FAM168B: variants seen among roughly 807,000 people sequenced by gnomAD.
FAM168B encodes myelin-associated neurite-outgrowth inhibitor.
A neutral mutation model predicts 21.8 loss-of-function variants in FAM168B; 19 were observed. That is an observed-to-expected ratio of 0.87 (90% CI 0.61 to 1.28). The LOEUF (loss-of-function observed/expected upper bound fraction) is 1.28. Ranked by LOEUF, FAM168B falls within the 50% of genes most tolerant of loss-of-function variation. The pLI is 0.00. For synonymous variants in FAM168B, 126 were observed against 104.8 expected, an observed-to-expected ratio of 1.20 and a Z score of -1.24; for missense variants, 233 against 263.1, an observed-to-expected ratio of 0.89 and a Z score of 0.79.
intron 5 of FAM168B, among the ~76,000 whole-genome samples, chr2:131,053,739 T>G (rs745890538): frequency 1.3e-5 from 2 of 151,872 alleles, no homozygotes; most frequent in African/African-American, 2.4e-5. Flanking sequence ...TAGCCAGGTG[T>G]GGTAGCATAC....
chr2:131,051,944 A>G lies in FAM168B; in HGVS notation c.*521T>C, dbSNP rs1367556350. On this transcript the variant is annotated 3_prime_UTR_variant, in exon 7 of 7. Transcript: ENST00000389915. Reference sequence around the variant, plus strand: ...AAAATGTCCACATCCCTAACTGGCAACCCACATCAACCCCAAAAGGTTGAA... The same window carrying G: ...AAAATGTCCACATCCCTAACTGGCAGCCCACATCAACCCCAAAAGGTTGAA... 1 of 985,526 alleles carries G rather than the reference A, an allele frequency of 1.0e-6. No individual in the cohort carries two copies. The highest frequency in any genetic ancestry group is 1.1e-4 in the East Asian group (1 of 8,824). The allele number at this position is 985,526 out of a possible 1,614,324, so 61.0% of individuals were successfully genotyped here. A position where few individuals can be genotyped will look rare whatever the true frequency, so the allele number is the denominator to read the frequency against.
At chr2:131,085,426 A>G (rs1292483572) in intron 1 of FAM168B, among the ~76,000 whole-genome samples, 1 of 152,224 alleles carries the variant, frequency 6.6e-6, no homozygotes. Context: ...AGCATCAATA[A>G]CAACATCTGG....
intron 2 of FAM168B, among the ~76,000 whole-genome samples, chr2:131,073,703 C>A: frequency 6.6e-6 from 1 of 152,144 alleles, no homozygotes; most frequent in East Asian, 1.9e-4. Context: ...TAATAAATTT[C>A]TGTTCATTAT....
rs779379553 is a variant in FAM168B, at chr2:131,048,370, T to C, written c.*4095A>G. On this transcript the variant is annotated 3_prime_UTR_variant, in exon 7 of 7. Transcript: ENST00000389915. ...TGTGGTGAGGAGGAGACACCTGTCATGCCAGTCCTGGGAGCACACCACCCT... is the reference window on the plus strand; with the variant it reads ...TGTGGTGAGGAGGAGACACCTGTCACGCCAGTCCTGGGAGCACACCACCCT... 7.7e-7 allele frequency: 1 copy of C among 1,292,080 alleles called. No individual in the cohort carries two copies. Among genetic ancestry groups the C allele is most frequent in the Non-Finnish European group, 1.0e-6 (1 of 979,652 alleles). 80.0% of individuals were successfully genotyped at this position (1,292,080 alleles called of 1,614,324 possible). A position where few individuals can be genotyped will look rare whatever the true frequency, so the allele number is the denominator to read the frequency against.
chr2:131,049,075 T>A lies in FAM168B; in HGVS notation c.*3390A>T. On this transcript the variant is annotated 3_prime_UTR_variant, in exon 7 of 7. Transcript: ENST00000389915. ...GTACATGTTGGCCTTTCACCAGCAC[T>A]CACTGGCACTCACAGGTGCCTTACA... is the stretch of plus-strand genomic sequence containing the variant. The A allele has an allele frequency of 1.0e-6, 1 of 985,404 alleles. No individual in the cohort carries two copies. The highest frequency in any genetic ancestry group is 1.7e-5 in the African/African-American group (1 of 57,326). The allele number at this position is 985,404 out of a possible 1,614,324, so 61.0% of individuals were successfully genotyped here. A position where few individuals can be genotyped will look rare whatever the true frequency, so the allele number is the denominator to read the frequency against.
Position 131,049,006 on chromosome 2 carries a change from C to G in FAM168B, c.*3459G>C. The G allele has an allele frequency of 1.0e-6, 1 of 985,554 alleles. No homozygotes were observed. The highest frequency in any genetic ancestry group is 4.7e-5 in the South Asian group (1 of 21,290). 61.1% of individuals were successfully genotyped at this position (985,554 alleles called of 1,614,324 possible). On this transcript the variant is annotated 3_prime_UTR_variant, in exon 7 of 7. Transcript: ENST00000389915. ...AATGTTTAAAAAGGACAGGTGAAGT[C>G]TGGGTCTCCTTTTTTAAAGCAGACA...
In FAM168B at chr2:131,050,955, T is replaced by C. The variant is rs1691633007; in HGVS notation, c.*1510A>G. On this transcript the variant is annotated 3_prime_UTR_variant, in exon 7 of 7. Transcript: ENST00000389915. ...CTCTGACCCTCACTGAGAACCGACA[T>C]GCACTCTCATGGATACAGGACGGGC... The C allele has an allele frequency of 9.1e-6, 9 of 985,534 alleles. No homozygotes were observed. Among genetic ancestry groups the C allele is most frequent in the Non-Finnish European group, 1.1e-5 (9 of 830,046 alleles). The allele number at this position is 985,534 out of a possible 1,614,324, so 61.0% of individuals were successfully genotyped here.
In FAM168B at chr2:131,051,069, C is replaced by A; in HGVS notation, c.*1396G>T. 3.0e-6 allele frequency: 3 copies of A among 985,442 alleles called. No homozygotes were observed. The highest frequency in any genetic ancestry group is 3.6e-6 in the Non-Finnish European group (3 of 829,970). The allele number at this position is 985,442 out of a possible 1,614,324, so 61.0% of individuals were successfully genotyped here. A position where few individuals can be genotyped will look rare whatever the true frequency, so the allele number is the denominator to read the frequency against. On this transcript the variant is annotated 3_prime_UTR_variant, in exon 7 of 7. Transcript: ENST00000389915. ...ACTCAAATTCCTCTCCCACAATAAA[C>A]CCTGCCAGCAAACGCACTCCAGCAC...
chr2:131,051,063 A>C lies in FAM168B; in HGVS notation c.*1402T>G. 1 of 985,374 alleles carries C rather than the reference A, an allele frequency of 1.0e-6. No individual in the cohort carries two copies. The highest frequency in any genetic ancestry group is 1.2e-6 in the Non-Finnish European group (1 of 829,964). 61.0% of individuals were successfully genotyped at this position (985,374 alleles called of 1,614,324 possible). On this transcript the variant is annotated 3_prime_UTR_variant, in exon 7 of 7. Coordinates refer to ENST00000389915, the MANE Select transcript of FAM168B (RefSeq NM_001009993.4). ...TCCTAAACTCAAATTCCTCTCCCAC[A>C]ATAAACCCTGCCAGCAAACGCACTC...
In FAM168B at chr2:131,050,823, C is replaced by G. The variant is rs1573737840; in HGVS notation, c.*1642G>C. 4 of 985,262 alleles carry G rather than the reference C, an allele frequency of 4.1e-6. No individual in the cohort carries two copies. The African/African-American group carries it at 5.2e-5, about 13-fold the overall frequency. The allele number at this position is 985,262 out of a possible 1,614,324, so 61.0% of individuals were successfully genotyped here. A position where few individuals can be genotyped will look rare whatever the true frequency, so the allele number is the denominator to read the frequency against. On this transcript the variant is annotated 3_prime_UTR_variant, in exon 7 of 7. Coordinates refer to ENST00000389915, the MANE Select transcript of FAM168B (RefSeq NM_001009993.4). ...AATGAAGAGGAGCAGAGCCCCCTCC[C>G]CACCAGAGCCCACAGCACTCAAACC... is the stretch of plus-strand genomic sequence containing the variant.
chr2:131,051,959 A>G lies in FAM168B; in HGVS notation c.*506T>C. 1.0e-6 allele frequency: 1 copy of G among 978,986 alleles called. No homozygotes were observed. Among genetic ancestry groups the G allele is most frequent in the African/African-American group, 1.7e-5 (1 of 57,312 alleles). 60.6% of individuals were successfully genotyped at this position (978,986 alleles called of 1,614,324 possible). A position where few individuals can be genotyped will look rare whatever the true frequency, so the allele number is the denominator to read the frequency against. On this transcript the variant is annotated 3_prime_UTR_variant, in exon 7 of 7. Coordinates refer to ENST00000389915, the MANE Select transcript of FAM168B (RefSeq NM_001009993.4). ...CTAACTGGCAACCCACATCAACCCC[A>G]AAAGGTTGAAGAATCATCTAAGATA...
chr2:131,090,857 G>A (rs1438610402), intron 1 of FAM168B, among the ~76,000 whole-genome samples: 2 of 152,070 alleles, frequency 1.3e-5, no homozygotes, highest in African/African-American at 4.8e-5. Flanking sequence ...GCCTCCCCCA[G>A]TGGCTGGGAC....
chr2:131,059,066 C>T (rs770026520), intron 3 of FAM168B, among the ~76,000 whole-genome samples: 7 of 152,060 alleles, frequency 4.6e-5, no homozygotes, highest in Non-Finnish European at 1.0e-4. Flanking sequence ...TGGTGTGTGG[C>T]GGGCACACAT....
At chr2:131,060,743 C>G (rs1692249103) in intron 3 of FAM168B, among the ~76,000 whole-genome samples, 2 of 152,154 alleles carry the variant, frequency 1.3e-5, no homozygotes, top group Admixed American at 1.3e-4. Context: ...AAAGAAAAAC[C>G]ACACAACACT....
At chr2:131,093,066 G>GC (rs926715651) in intron 1 of FAM168B, 148 bp downstream of exon 1, 2 of 151,240 alleles carry the variant, frequency 1.3e-5, no homozygotes, top group African/African-American at 4.8e-5. Context: ...GCCCGGCCTT[G>GC]CCCGCGGCAC....
intron 2 of FAM168B, among the ~76,000 whole-genome samples, chr2:131,081,824 A>G (rs779640925): frequency 1.3e-5 from 2 of 152,180 alleles, no homozygotes; most frequent in African/African-American, 4.8e-5. Flanking sequence ...TTGACCCCAG[A>G]TATCTCTCTT....
At chr2:131,070,103 CGCCTCA>C (rs1269146102) in intron 3 of FAM168B, among the ~76,000 whole-genome samples, 1 of 151,962 alleles carries the variant, frequency 6.6e-6, no homozygotes, top group East Asian at 1.9e-4. Flanking sequence ...ATGATCCACC[CGCCTCA>C]GCCTCCCAAA....
chr2:131,083,775 G>A (rs1397341205), intron 1 of FAM168B, among the ~76,000 whole-genome samples: 1 of 152,002 alleles, frequency 6.6e-6, no homozygotes, highest in African/African-American at 2.4e-5. Context: ...GTGCATCCCT[G>A]GCACAAACAG....
chr2:131,083,187 C>A (rs1693506249), intron 1 of FAM168B, among the ~76,000 whole-genome samples: 1 of 152,134 alleles, frequency 6.6e-6, no homozygotes, highest in Non-Finnish European at 1.5e-5. Context: ...AACTCCGTCT[C>A]TACTAAAAAT....
Sources: allele counts gnomAD v4.1 joint callset (sites outside exome capture counted in the v4.1 genomes callset), GRCh38; gene constraint gnomAD v4.1.1; transcripts MANE v1.5; gene names NCBI Gene and HGNC (gene_info 2026-07-23, HGNC 2026-07-21).